ECHDC2: variants seen among roughly 807,000 people sequenced by gnomAD.
ECHDC2 encodes enoyl-CoA hydratase domain containing 2.
In ECHDC2, 34 loss-of-function variants were observed where a neutral mutation model predicts 40.6. The ratio of observed to expected loss-of-function variants is 0.84; its 90% CI spans 0.64 to 1.11. ECHDC2 has a LOEUF of 1.11. ECHDC2 is among the 50% of genes most tolerant of loss of function. The pLI is 0.00. For synonymous variants in ECHDC2, 162 were observed against 166.6 expected (o/e 0.97, Z 0.21); for missense variants, 392 against 400.7 (o/e 0.98, Z 0.19).
intron 1 of ECHDC2, chr1:52,921,333 G>C: frequency 2.7e-6 from 3 of 1,122,572 alleles, no homozygotes; most frequent in Non-Finnish European, 2.4e-6. Context: ...CCTTTGAAGA[G>C]ACCGAGGTTG....
At chr1:52,901,009 T>A (rs1260758777) in intron 7 of ECHDC2, 1 of 151,726 alleles carries the variant, frequency 6.6e-6, no homozygotes, top group African/African-American at 2.4e-5. Context: ...AAATAAAAAA[T>A]TAGCTGGGCG....
intron 1 of ECHDC2, among the ~76,000 whole-genome samples, chr1:52,915,497 G>C (rs950406190): frequency 2.0e-5 from 3 of 152,184 alleles, no homozygotes; most frequent in Non-Finnish European, 4.4e-5. Flanking sequence ...AGCTCTTAGA[G>C]CCCAGCAGGT....
At chr1:52,908,367 G>A (rs1648497973) in intron 3 of ECHDC2, among the ~76,000 whole-genome samples, 1 of 152,012 alleles carries the variant, frequency 6.6e-6, no homozygotes, top group South Asian at 2.1e-4. Flanking sequence ...CAGGTGTGGT[G>A]GCGGACACCT....
chr1:52,917,690 CACATATAAG>C (rs1557520457), intron 1 of ECHDC2: 1 of 455,566 alleles, frequency 2.2e-6, no homozygotes, highest in African/African-American at 2.0e-5. Context: ...AGCTACAGAC[CACATATAAG>C]ACATATAAGT....
intron 3 of ECHDC2, among the ~76,000 whole-genome samples, chr1:52,910,684 A>G (rs1649253462): frequency 6.6e-6 from 1 of 152,176 alleles, no homozygotes; most frequent in Non-Finnish European, 1.5e-5. Flanking sequence ...TTTCTAAAAT[A>G]TGTAAGTAAT....
At chr1:52,918,912 CAGG>C (rs1466519603) in intron 1 of ECHDC2, among the ~76,000 whole-genome samples, 2 of 152,124 alleles carry the variant, frequency 1.3e-5, no homozygotes, top group Non-Finnish European at 2.9e-5. Flanking sequence ...GGCCACACAA[CAGG>C]AGATGAGCAG....
At chr1:52,897,523 G>T (rs1646713574) in intron 8 of ECHDC2, 39 bp from the exon 9 acceptor site, 1 of 1,611,336 alleles carries the variant, frequency 6.2e-7, no homozygotes, top group East Asian at 2.2e-5. Context: ...GTCTGACCTT[G>T]TCCATCTTCA....
intron 3 of ECHDC2, among the ~76,000 whole-genome samples, chr1:52,910,710 T>C (rs1400074835): frequency 6.6e-6 from 1 of 152,066 alleles, no homozygotes; most frequent in East Asian, 1.9e-4. Flanking sequence ...AATTAAAACT[T>C]GACTAATTTT....
intron 3 of ECHDC2, among the ~76,000 whole-genome samples, chr1:52,909,463 T>C (rs2150056300): frequency 6.6e-6 from 1 of 150,440 alleles, no homozygotes; most frequent in African/African-American, 2.4e-5. Context: ...TGGGCCACAC[T>C]GGAAGAATCG....
chr1:52,911,690 C>A, intron 2 of ECHDC2, 33 bp downstream of exon 2: 1 of 1,614,186 alleles, frequency 6.2e-7, no homozygotes, highest in Non-Finnish European at 8.5e-7. Context: ...GCCAGCCCAT[C>A]CCCAGCCCAC....
chr1:52,921,522 G>A (rs754048051), intron 1 of ECHDC2, 31 bp downstream of exon 1: 5 of 1,597,666 alleles, frequency 3.1e-6, no homozygotes, highest in Non-Finnish European at 4.3e-6. Context: ...TCCCAGTCGC[G>A]TCATGCGCCG....
chr1:52,899,110 A>C lies in ECHDC2; in HGVS notation c.753+64T>G. ...CCCAGCTGTGCTGTCTGAGCTCTGA[A>C]AGCACTGTGTCCCAGCCGCGACCAA... On this transcript the variant is annotated intron_variant, in intron 8 of 9. Transcript: ENST00000371522. 7.2e-6 allele frequency: 11 copies of C among 1,534,164 alleles called. No individual in the cohort carries two copies. The South Asian group carries it at 1.0e-4, about 14-fold the overall frequency.
intron 3 of ECHDC2, among the ~76,000 whole-genome samples, chr1:52,909,152 T>A (rs1052819657): frequency 6.6e-6 from 1 of 152,128 alleles, no homozygotes; most frequent in African/African-American, 2.4e-5. Flanking sequence ...CATGGAACCC[T>A]GGTGCATTGC....
intron 1 of ECHDC2, chr1:52,913,600 T>A (rs150194060): frequency 6.6e-6 from 1 of 152,372 alleles, no homozygotes; most frequent in East Asian, 1.9e-4. Flanking sequence ...TATAAATAGA[T>A]GATTTTCTTA....
chr1:52,913,634 A>G (rs1650044615), intron 1 of ECHDC2: 1 of 152,218 alleles, frequency 6.6e-6, no homozygotes, highest in African/African-American at 2.4e-5. Flanking sequence ...GTCACAGCAA[A>G]ATGGAGTGGA....
At chr1:52,911,849 G>A (rs978074154) in intron 1 of ECHDC2, 59 bp from the exon 2 acceptor site, 25 of 1,597,590 alleles carry the variant, frequency 1.6e-5, no homozygotes, top group Middle Eastern at 1.6e-4. Flanking sequence ...CCTGGGCTGC[G>A]GGCTGGGGAC....
At chr1:52,917,223 G>GA (rs569946278) in intron 1 of ECHDC2, among the ~76,000 whole-genome samples, 2,871 of 99,848 alleles carry the variant, frequency 0.029, 303 homozygotes, top group Admixed American at 0.22. Flanking sequence ...CCATCTCAAA[G>GA]AAAAAAAAAA....
intron 8 of ECHDC2, chr1:52,898,818 G>A (rs74450828): frequency 7.9e-6 from 3 of 381,390 alleles, no homozygotes; most frequent in African/African-American, 2.1e-5. Flanking sequence ...CCCAAGCCCT[G>A]CCCTGAGGCC....
chr1:52,903,151 T>G (rs1211167555), intron 7 of ECHDC2, among the ~76,000 whole-genome samples: 1 of 152,152 alleles, frequency 6.6e-6, no homozygotes, highest in Non-Finnish European at 1.5e-5. Flanking sequence ...CTGAGGGCTT[T>G]GGGCCCTGCA....
Sources: allele counts gnomAD v4.1 joint callset (sites outside exome capture counted in the v4.1 genomes callset), GRCh38; gene constraint gnomAD v4.1.1; transcripts MANE v1.5; gene names NCBI Gene and HGNC (gene_info 2026-07-23, HGNC 2026-07-21).